The following C12orf42 variants were observed in gnomAD, a reference collection of about 807,000 sequenced individuals.
C12orf42 encodes the protein chromosome 12 open reading frame 42.
Under a neutral mutation model 21.6 loss-of-function variants are expected in C12orf42, and 25 were observed. The observed-to-expected ratio is 1.16, with a 90% CI of 0.84 to 1.62. The LOEUF (loss-of-function observed/expected upper bound fraction) is 1.62, where lower values mean the gene tolerates loss of function less well. Among genes scored for constraint, C12orf42 ranks in the 40% most tolerant of loss-of-function variants. C12orf42 has a pLI of 0.00. For missense variants in C12orf42, 483 were observed against 459.3 expected, an observed-to-expected ratio of 1.05 and a Z score of -0.47; for synonymous variants, 174 against 175.0, an observed-to-expected ratio of 0.99 and a Z score of 0.05.
chr12:103,247,812 T>C (rs2034086106), intron 10 of C12orf42, among the ~76,000 whole-genome samples: 1 of 152,036 alleles, frequency 6.6e-6, no homozygotes, highest in Non-Finnish European at 1.5e-5. Flanking sequence ...GTAGCCATAA[T>C]TGAACTGTTT....
chr12:103,331,948 A>C (rs2041274463), intron 4 of C12orf42, among the ~76,000 whole-genome samples: 1 of 152,224 alleles, frequency 6.6e-6, no homozygotes, highest in Admixed American at 6.5e-5. Context: ...ACAGGGGAAA[A>C]TGTACAGCAA....
intron 3 of C12orf42, among the ~76,000 whole-genome samples, chr12:103,374,774 T>C (rs1730116586): frequency 6.6e-6 from 1 of 152,164 alleles, no homozygotes; most frequent in Non-Finnish European, 1.5e-5. Context: ...CCATGCTGCA[T>C]CCTGGGCCAT....
the C12orf42 span, chr12:103,559,877 T>C: frequency 1.3e-5 from 2 of 152,232 alleles, no homozygotes; most frequent in African/African-American, 4.8e-5. Flanking sequence ...GCAAGTGTAA[T>C]TGTTATTGAT....
intron 1 of C12orf42, among the ~76,000 whole-genome samples, chr12:103,491,988 ACT>A (rs1955219592): frequency 6.6e-6 from 1 of 151,724 alleles, no homozygotes; most frequent in Admixed American, 6.6e-5. Context: ...ATAGAGTCTC[ACT>A]CTGTCACCCA....
chr12:103,305,194 T>C (rs1203977500), intron 5 of C12orf42, among the ~76,000 whole-genome samples: 1 of 152,186 alleles, frequency 6.6e-6, no homozygotes, highest in Non-Finnish European at 1.5e-5. Flanking sequence ...ACAAGCTTGC[T>C]ATAAATGAAA....
chr12:103,072,268 GCTTCT>G, the C12orf42 span, among the ~76,000 whole-genome samples: 97 of 152,164 alleles, frequency 6.4e-4, 1 homozygote, highest in African/African-American at 2.1e-3. Flanking sequence ...AGAGTCAGAT[GCTTCT>G]CTTCTCTTTT....
At chr12:103,255,058 TCTC>T (rs928274720) in intron 10 of C12orf42, among the ~76,000 whole-genome samples, 8 of 152,298 alleles carry the variant, frequency 5.3e-5, no homozygotes, top group African/African-American at 1.4e-4. Context: ...AGCTTTCTGT[TCTC>T]CTACTAATTT....
downstream of C12orf42, among the ~76,000 whole-genome samples, chr12:103,298,567 T>G (rs1972135): frequency 0.48 from 73,298 of 151,938 alleles, 20,008 homozygotes; most frequent in African/African-American, 0.74. Flanking sequence ...CCCCCATCAA[T>G]CTACCAATGA....
intron 3 of C12orf42, among the ~76,000 whole-genome samples, chr12:103,381,916 CA>C (rs57693837): frequency 0.03 from 4,367 of 147,614 alleles, 209 homozygotes; most frequent in African/African-American, 0.1. Context: ...GACTCCGTCT[CA>C]AAAAAAAAAA....
chr12:103,560,942 C>T, the C12orf42 span, among the ~76,000 whole-genome samples: 1 of 152,182 alleles, frequency 6.6e-6, no homozygotes, highest in East Asian at 1.9e-4. Context: ...TCATCCTTCT[C>T]CCTCACCCAC....
At chr12:103,359,225 A>G (rs909124774) in intron 4 of C12orf42, among the ~76,000 whole-genome samples, 7 of 152,002 alleles carry the variant, frequency 4.6e-5, no homozygotes, top group Non-Finnish European at 8.8e-5. Flanking sequence ...AAAGAAGTCT[A>G]AGGTATATAG....
chr12:103,146,104 A>G, the C12orf42 span, among the ~76,000 whole-genome samples: 3 of 152,064 alleles, frequency 2.0e-5, no homozygotes, highest in East Asian at 3.9e-4. Context: ...GTCTTTATGT[A>G]ATACATACTA....
At chr12:103,262,413 C>T (rs988390960) in intron 10 of C12orf42, 8 of 152,260 alleles carry the variant, frequency 5.3e-5, no homozygotes, top group African/African-American at 9.6e-5. Flanking sequence ...ACATTGCATA[C>T]GGTTTAATTC....
chr12:103,146,939 A>G, the C12orf42 span, among the ~76,000 whole-genome samples: 537 of 152,326 alleles, frequency 3.5e-3, 3 homozygotes, highest in South Asian at 8.7e-3. Context: ...CTACTTAGGT[A>G]CCAAGAATGC....
intron 3 of C12orf42, among the ~76,000 whole-genome samples, chr12:103,386,657 A>G (rs1396610101): frequency 6.6e-6 from 1 of 152,232 alleles, no homozygotes; most frequent in Non-Finnish European, 1.5e-5. Context: ...AAAATACAGC[A>G]ACTGCTCTTG....
chr12:103,543,227 C>T, the C12orf42 span, among the ~76,000 whole-genome samples: 1 of 152,194 alleles, frequency 6.6e-6, no homozygotes, highest in African/African-American at 2.4e-5. Flanking sequence ...GAGAAGAGGC[C>T]AGAGAAAAAG....
intron 4 of C12orf42, among the ~76,000 whole-genome samples, chr12:103,362,461 C>T (rs941675412): frequency 1.3e-5 from 2 of 151,980 alleles, no homozygotes; most frequent in African/African-American, 4.8e-5. Context: ...TTTACCACCC[C>T]CCAAAAAAAT....
At chr12:103,339,522 G>C (rs186041482) in intron 4 of C12orf42, among the ~76,000 whole-genome samples, 20 of 152,278 alleles carry the variant, frequency 1.3e-4, no homozygotes, top group African/African-American at 4.6e-4. Flanking sequence ...CCATAAAAAA[G>C]TGGACAAAGG....
chr12:103,124,023 A>AGCAAGTG, the C12orf42 span, among the ~76,000 whole-genome samples: 1 of 152,080 alleles, frequency 6.6e-6, no homozygotes, highest in South Asian at 2.1e-4. Context: ...AAGAATCCCC[A>AGCAAGTG]GCAAGTGGTT....
Sources: gnomAD v4.1 joint callset for allele counts (sites outside exome capture counted in the v4.1 genomes callset) on GRCh38, gnomAD v4.1.1 for gene constraint, MANE v1.5 for transcripts, NCBI Gene and HGNC (gene_info 2026-07-23, HGNC 2026-07-21) for gene names.